The following NRXN1 variants were observed in gnomAD, a reference collection of about 807,000 sequenced individuals.
NRXN1 encodes neurexin 1.
Under a neutral mutation model 150.9 loss-of-function variants are expected in NRXN1, and 39 were observed. That is an observed-to-expected ratio of 0.26 (90% CI 0.20 to 0.34). The LOEUF (loss-of-function observed/expected upper bound fraction) is 0.34, where lower values mean the gene tolerates loss of function less well. NRXN1 is among the 10% of genes least tolerant of loss of function. The pLI is 1.00. For missense variants in NRXN1, 1,815 were observed against 1,949.9 expected (o/e 0.93, Z 1.30); for synonymous variants, 924 against 757.0 (o/e 1.22, Z -3.62).
intron 15 of NRXN1, among the ~76,000 whole-genome samples, chr2:50,473,215 T>G (rs2089684721): frequency 6.6e-6 from 1 of 151,994 alleles, no homozygotes; most frequent in South Asian, 2.1e-4. Context: ...CTACTTTCAA[T>G]TTTTAGGCTG....
intron 21 of NRXN1, among the ~76,000 whole-genome samples, chr2:49,995,872 A>G (rs1206827319): frequency 2.2e-5 from 3 of 138,296 alleles, no homozygotes; most frequent in African/African-American, 7.7e-5. Context: ...AAAAAAAAAA[A>G]AAAAAAAAAA....
chr2:49,995,673 C>G (rs1200351137), intron 21 of NRXN1, among the ~76,000 whole-genome samples: 1 of 145,896 alleles, frequency 6.9e-6, no homozygotes, highest in African/African-American at 2.5e-5. Context: ...CCCAGCTACT[C>G]GGGAGGCTGA....
chr2:50,874,822 G>A lies in NRXN1; in HGVS notation c.832+47047C>T, dbSNP rs1678330239. On this transcript the variant is annotated intron_variant, in intron 5 of 22. Coordinates refer to ENST00000401669, the MANE Select transcript of NRXN1 (RefSeq NM_001330078.2). ...TTTTCTTTGGTCCATTAAGTAGGCT[G>A]ACAGTCCTTCATATTTTTATATACT... is the stretch of plus-strand genomic sequence containing the variant. 3.3e-5 allele frequency among the ~76,000 whole-genome samples: 5 copies of A among 151,894 alleles called. No homozygotes were observed. In the South Asian group the frequency reaches 8.3e-4, roughly 25 times the overall value.
chr2:50,104,311 T>C (rs1004164388), intron 18 of NRXN1, among the ~76,000 whole-genome samples: 2 of 152,074 alleles, frequency 1.3e-5, no homozygotes, highest in African/African-American at 2.4e-5. Flanking sequence ...GCAAGAAATA[T>C]ACTGTTGTGA....
At chr2:50,475,203 T>C (rs984577771) in intron 15 of NRXN1, among the ~76,000 whole-genome samples, 4 of 152,056 alleles carry the variant, frequency 2.6e-5, no homozygotes, top group African/African-American at 4.8e-5. Flanking sequence ...GCTTTTCAGA[T>C]GTAGAACTCA....
intron 8 of NRXN1, among the ~76,000 whole-genome samples, chr2:50,608,040 G>A (rs1349789718): frequency 7.2e-5 from 11 of 152,022 alleles, no homozygotes; most frequent in African/African-American, 2.7e-4. Context: ...TAAATGAGAA[G>A]CCCACATGGG....
At chr2:50,536,730 T>C (rs2093270702) in intron 10 of NRXN1, among the ~76,000 whole-genome samples, 2 of 152,192 alleles carry the variant, frequency 1.3e-5, no homozygotes, top group Non-Finnish European at 2.9e-5. Flanking sequence ...CCTTGCAAGC[T>C]TTGTTACATT....
intron 17 of NRXN1, among the ~76,000 whole-genome samples, chr2:50,464,877 G>T (rs1370389836): frequency 1.3e-5 from 2 of 151,774 alleles, no homozygotes; most frequent in Non-Finnish European, 2.9e-5. Flanking sequence ...TGAATCATGT[G>T]TTTTATTTTC....
intron 21 of NRXN1, among the ~76,000 whole-genome samples, chr2:50,026,859 C>CTTTCTTTTT (rs1688381537): frequency 4.6e-5 from 3 of 65,234 alleles, no homozygotes; most frequent in Non-Finnish European, 8.0e-5. Flanking sequence ...CTTTTCTTTT[C>CTTTCTTTTT]TTTTTTTTTT....
intron 21 of NRXN1, among the ~76,000 whole-genome samples, chr2:49,987,300 G>T (rs2152515452): frequency 6.6e-6 from 1 of 152,004 alleles, no homozygotes; most frequent in Non-Finnish European, 1.5e-5. Context: ...AAATAATTTT[G>T]ACCTCACTGA....
chr2:50,640,234 T>C (rs1206591533), intron 5 of NRXN1, among the ~76,000 whole-genome samples: 1 of 152,136 alleles, frequency 6.6e-6, no homozygotes, highest in Non-Finnish European at 1.5e-5. Context: ...CTCAGGTGAT[T>C]CTAATATGTG....
chr2:50,202,756 A>AGG (rs2062272423), intron 18 of NRXN1, among the ~76,000 whole-genome samples: 1 of 152,212 alleles, frequency 6.6e-6, no homozygotes, highest in African/African-American at 2.4e-5. Context: ...TTCAACATTT[A>AGG]TAGTAAAACA....
chr2:50,017,722 T>C lies in NRXN1; in HGVS notation c.4128+35549A>G, dbSNP rs1028665328. Among the ~76,000 whole-genome samples the C allele has an allele frequency of 5.5e-4, 83 of 151,398 alleles. 1 individual carries two copies. Among genetic ancestry groups the C allele is most frequent in the African/African-American group, 1.9e-3 (79 of 41,320 alleles). The stretch of plus-strand genomic sequence containing the variant: ...CCTGATATTATCAGATATCATCTAA[T>C]GACTCATCAATTCATACAGACCTTT... On this transcript the variant is annotated intron_variant, in intron 21 of 22. Transcript: ENST00000401669.
At chr2:50,859,838 TTGTGTG>T (rs58904379) in intron 5 of NRXN1, among the ~76,000 whole-genome samples, 58,940 of 147,544 alleles carry the variant, frequency 0.4, 12,370 homozygotes, top group Non-Finnish European at 0.49. Context: ...ACAATTATGT[TTGTGTG>T]TGTGTGTGTG....
At chr2:50,522,719 CATTT>C (rs1413729466) in intron 12 of NRXN1, among the ~76,000 whole-genome samples, 908 of 86,516 alleles carry the variant, frequency 0.01, 167 homozygotes, top group Non-Finnish European at 0.012. Context: ...TATTTTTATT[CATTT>C]TTTTTTTTTT....
At chr2:50,742,529 G>C (rs1360941194) in intron 5 of NRXN1, among the ~76,000 whole-genome samples, 1 of 149,970 alleles carries the variant, frequency 6.7e-6, no homozygotes, top group African/African-American at 2.5e-5. Context: ...AATCGTTTGA[G>C]CCCGGGAGGC....
At chr2:50,698,374 T>C (rs1693232646) in intron 5 of NRXN1, among the ~76,000 whole-genome samples, 1 of 152,316 alleles carries the variant, frequency 6.6e-6, no homozygotes, top group Middle Eastern at 3.4e-3. Context: ...GCAGAAGTAG[T>C]TGTGAGAATC....
chr2:50,667,335 TA>T (rs1421478688), intron 5 of NRXN1, among the ~76,000 whole-genome samples: 9 of 151,968 alleles, frequency 5.9e-5, no homozygotes, highest in Non-Finnish European at 1.0e-4. Flanking sequence ...TAACATTTAG[TA>T]AAGTGTTACA....
At chr2:51,022,335 GGAATAGAAA>G (rs1427676016) in intron 2 of NRXN1, among the ~76,000 whole-genome samples, 1 of 152,024 alleles carries the variant, frequency 6.6e-6, no homozygotes, top group African/African-American at 2.4e-5. Context: ...ACACAATTGA[GGAATAGAAA>G]GTTTGAGTTT....
Sources: allele counts gnomAD v4.1 joint callset (sites outside exome capture counted in the v4.1 genomes callset), GRCh38; gene constraint gnomAD v4.1.1; transcripts MANE v1.5; gene names NCBI Gene and HGNC (gene_info 2026-07-23, HGNC 2026-07-21).